TEX11: variants seen among roughly 807,000 people sequenced by gnomAD.
TEX11 encodes testis-expressed protein 11.
A neutral mutation model predicts 84.4 loss-of-function variants in TEX11; 7 were observed. The ratio of observed to expected loss-of-function variants is 0.08; its 90% CI spans 0.05 to 0.16. The LOEUF is 0.16. Ranked by LOEUF, TEX11 falls within the 10% of genes least tolerant of loss-of-function variation. The pLI, the probability that TEX11 is intolerant of heterozygous loss-of-function variation, is 1.00. For synonymous variants in TEX11, 264 were observed against 222.8 expected, an observed-to-expected ratio of 1.18 and a Z score of -1.64; for missense variants, 551 against 660.5, an observed-to-expected ratio of 0.83 and a Z score of 1.82.
chrX:70,744,752 C>T (rs1306334247), intron 9 of TEX11, among the ~76,000 whole-genome samples: 1 of 110,140 alleles, frequency 9.1e-6, no homozygotes. Flanking sequence ...ATTCTGTCAC[C>T]CAGGCTGGAG....
intron 20 of TEX11, among the ~76,000 whole-genome samples, chrX:70,623,561 A>T (rs1369091946): frequency 2.7e-5 from 3 of 112,041 alleles, no homozygotes; most frequent in African/African-American, 9.7e-5. Context: ...TCTATCATAG[A>T]TAACATTATT....
At chrX:70,800,289 G>A (rs1326903771) in intron 9 of TEX11, among the ~76,000 whole-genome samples, 5 of 110,042 alleles carry the variant, frequency 4.5e-5, no homozygotes, top group Non-Finnish European at 5.7e-5. Context: ...ATAACTATTG[G>A]GTACTGGGCT....
chrX:70,762,900 G>T (rs1286680803), intron 9 of TEX11, among the ~76,000 whole-genome samples: 2 of 111,159 alleles, frequency 1.8e-5, no homozygotes, highest in Non-Finnish European at 3.8e-5. Context: ...CAAGTGTGGT[G>T]GTGTGTGCCT....
intron 7 of TEX11, among the ~76,000 whole-genome samples, chrX:70,838,198 C>A (rs1008942638): frequency 1.8e-5 from 2 of 111,795 alleles, no homozygotes; most frequent in African/African-American, 6.5e-5. Context: ...GTGGGTGGAT[C>A]ACCTGAGGTC....
In TEX11 at chrX:70,564,931, T is replaced by G. The variant is rs767871703; in HGVS notation, c.2141-10131A>C. Reference sequence around the variant, plus strand: ...TTGGGTATATACCCAGTAATGGGATTGCTGGGTCAAATGGTATTTCTAGTT... The same window carrying G: ...TTGGGTATATACCCAGTAATGGGATGGCTGGGTCAAATGGTATTTCTAGTT... On this transcript the variant is annotated intron_variant, in intron 25 of 29. Coordinates refer to ENST00000374333, the MANE Select transcript of TEX11 (RefSeq NM_031276.3). Among the ~76,000 whole-genome samples the G allele has an allele frequency of 6.6e-4, 72 of 109,370 alleles. 1 individual carries two copies. Among genetic ancestry groups the G allele is most frequent in the Admixed American group, 2.8e-3 (28 of 10,135 alleles). The allele number at this position is 109,370 out of a possible 115,157, so 95.0% of individuals were successfully genotyped here.
intron 7 of TEX11, among the ~76,000 whole-genome samples, chrX:70,841,654 G>A (rs199937583): frequency 5.9e-4 from 52 of 88,376 alleles, no homozygotes; most frequent in African/African-American, 1.1e-3. Context: ...AGGAAATAGA[G>A]ACACAAAAAA....
At chrX:70,599,791 T>G (rs1287857991) in intron 24 of TEX11, among the ~76,000 whole-genome samples, 1 of 106,659 alleles carries the variant, frequency 9.4e-6, no homozygotes, top group Non-Finnish European at 1.9e-5. Flanking sequence ...GTTCTTGCGA[T>G]AGTTTACTGA....
intron 5 of TEX11, among the ~76,000 whole-genome samples, chrX:70,856,626 T>C (rs1334436345): frequency 9.0e-6 from 1 of 111,099 alleles, no homozygotes; most frequent in Non-Finnish European, 1.9e-5. Flanking sequence ...CCATGATTGG[T>C]TGAATCCAAG....
At position 70,682,807 on chromosome X, in the gene TEX11, A is replaced by G. The variant is rs1417052326; in HGVS notation, c.1023T>C (p.His341=). The change falls in exon 14 of 30, where the codon CAT becomes CAC. Residue 341 remains histidine, a synonymous_variant. Coordinates refer to ENST00000374333, the MANE Select transcript of TEX11 (RefSeq NM_031276.3). ...MDHERESVGF[H]FLTIIHERFK... is the part of the protein sequence containing the mutation. ...AACGTTCATGAATAATCGTCAGGAA[A>G]TGAAACCCAACAGATTCTCTGTACA... 1 of 1,207,638 alleles carries G rather than the reference A, an allele frequency of 8.3e-7. No homozygotes were observed. Among genetic ancestry groups the G allele is most frequent in the African/African-American group, 1.8e-5 (1 of 57,104 alleles).
At chrX:70,560,044 G>A (rs1248632317) in intron 25 of TEX11, among the ~76,000 whole-genome samples, 1 of 111,055 alleles carries the variant, frequency 9.0e-6, no homozygotes, top group African/African-American at 3.3e-5. Flanking sequence ...TTCAGTGAGG[G>A]TGCAGCGGCT....
At chrX:70,776,033 G>C (rs1311306430) in intron 9 of TEX11, among the ~76,000 whole-genome samples, 1 of 90,279 alleles carries the variant, frequency 1.1e-5, no homozygotes, top group Non-Finnish European at 2.3e-5. Flanking sequence ...CTATGGAGAA[G>C]AGCGTGGAGA....
intron 9 of TEX11, among the ~76,000 whole-genome samples, chrX:70,792,315 A>AATAT (rs1556087562): frequency 5.3e-3 from 78 of 14,819 alleles, no homozygotes; most frequent in East Asian, 0.014. Flanking sequence ...AAAAAAAAAA[A>AATAT]ATATATATAT....
intron 2 of TEX11, among the ~76,000 whole-genome samples, chrX:70,893,995 A>G (rs1447405685): frequency 8.9e-6 from 1 of 111,907 alleles, no homozygotes; most frequent in Admixed American, 9.5e-5. Context: ...GAATTCCTGC[A>G]CACATACACC....
intron 25 of TEX11, among the ~76,000 whole-genome samples, chrX:70,578,893 T>A (rs2088721021): frequency 9.6e-6 from 1 of 104,683 alleles, no homozygotes; most frequent in South Asian, 4.5e-4. Flanking sequence ...GCCTCAGCCT[T>A]CCAAGTAGCT....
intron 5 of TEX11, among the ~76,000 whole-genome samples, chrX:70,855,712 A>T (rs1050303367): frequency 9.0e-6 from 1 of 111,642 alleles, no homozygotes; most frequent in African/African-American, 3.3e-5. Context: ...AAATGAGGCC[A>T]TTAGGGCGGG....
At chrX:70,841,666 C>T (rs1367146036) in intron 7 of TEX11, among the ~76,000 whole-genome samples, 2 of 111,421 alleles carry the variant, frequency 1.8e-5, no homozygotes, top group African/African-American at 3.3e-5. Flanking sequence ...CACAAAAAAC[C>T]CTTCAAAAAA....
chrX:70,719,496 C>A (rs981864593), intron 13 of TEX11, among the ~76,000 whole-genome samples: 1 of 111,637 alleles, frequency 9.0e-6, no homozygotes, highest in African/African-American at 3.3e-5. Context: ...AAAACAATGG[C>A]AACAAAAGCC....
Position 70,601,580 on chromosome X carries a change from G to A in TEX11, c.2067+3821C>T, listed in dbSNP as rs374861489. Among the ~76,000 whole-genome samples the A allele has an allele frequency of 9.9e-5, 7 of 70,793 alleles. No homozygotes were observed. In the East Asian group the frequency reaches 2.1e-3, roughly 22 times the overall value. 61.5% of individuals were successfully genotyped at this position (70,793 alleles called of 115,157 possible). A position where few individuals can be genotyped will look rare whatever the true frequency, so the allele number is the denominator to read the frequency against. On this transcript the variant is annotated intron_variant, in intron 24 of 29. Transcript: ENST00000374333. ...TATTGATCATTCTTGGGTGTTTCTC[G>A]CAGAGGGGGATTTGGCAGGGTCATA...
intron 4 of TEX11, among the ~76,000 whole-genome samples, chrX:70,866,997 A>G (rs1454841687): frequency 8.9e-6 from 1 of 112,175 alleles, no homozygotes; most frequent in Non-Finnish European, 1.9e-5. Context: ...ACTCCCATTC[A>G]ACACAGTATT....
Sources: gnomAD v4.1 joint callset for allele counts (sites outside exome capture counted in the v4.1 genomes callset) on GRCh38, gnomAD v4.1.1 for gene constraint, MANE v1.5 for transcripts, NCBI Gene and HGNC (gene_info 2026-07-23, HGNC 2026-07-21) for gene names.